The following MCM10 variants were observed in gnomAD, a reference collection of about 807,000 sequenced individuals.
MCM10 encodes the protein minichromosome maintenance 10 replication initiation factor.
MCM10 carries 91 observed loss-of-function variants against 109.9 expected under a neutral mutation model. The ratio of observed to expected loss-of-function variants is 0.83; its 90% CI spans 0.70 to 0.99. MCM10 has a LOEUF of 0.99. Among genes scored for constraint, MCM10 ranks in the 50% least tolerant of loss-of-function variants. MCM10 has a pLI of 0.00. For synonymous variants in MCM10, 380 were observed against 387.2 expected, an observed-to-expected ratio of 0.98 and a Z score of 0.22; for missense variants, 1,077 against 1,061.2, an observed-to-expected ratio of 1.01 and a Z score of -0.21.
intron 18 of MCM10, among the ~76,000 whole-genome samples, chr10:13,205,453 C>A (rs1166136716): frequency 6.6e-6 from 1 of 152,082 alleles, no homozygotes; most frequent in East Asian, 1.9e-4. Flanking sequence ...TAGGTTGATT[C>A]CACGTCTTTG....
In MCM10 at chr10:13,172,553, A is replaced by G; in HGVS notation, c.454+73A>G. On this transcript the variant is annotated intron_variant, in intron 4 of 19. Transcript: ENST00000378714. This position sits in a 1 kb window ranked among gnomAD's most constrained non-coding sequence, Gnocchi z 5.2. The stretch of plus-strand genomic sequence containing the variant: ...AATTATCACATCATTTCTGCATCCA[A>G]CTCCTGTCCAAACAGCCCTTTGAAC... The G allele has an allele frequency of 1.3e-6, 2 of 1,599,278 alleles. No individual in the cohort carries two copies. The highest frequency in any genetic ancestry group is 1.7e-6 in the Non-Finnish European group (2 of 1,167,650).
intron 11 of MCM10, among the ~76,000 whole-genome samples, 179 bp downstream of exon 11, chr10:13,191,578 G>A (rs1834348294): frequency 6.6e-6 from 1 of 152,070 alleles, no homozygotes; most frequent in South Asian, 2.1e-4. Context: ...AAGCAAGCAA[G>A]CAAGCAAGCA....
chr10:13,172,348 C>G lies in MCM10; in HGVS notation c.350-28C>G. 6.4e-7 allele frequency: 1 copy of G among 1,567,098 alleles called. No individual in the cohort carries two copies. The highest frequency in any genetic ancestry group is 8.8e-7 in the Non-Finnish European group (1 of 1,141,834). On this transcript the variant is annotated intron_variant, in intron 3 of 19. Transcript: ENST00000378714. The surrounding 1 kb of genome is among the most constrained non-coding windows in gnomAD (Gnocchi z 5.2). ...GTAGAACGTTTTCTCCTGCCTGGTT[C>G]TTAAATTAACATATTTTCATTTCCT...
At chr10:13,188,818 C>T in intron 9 of MCM10, 63 bp from the exon 10 acceptor site, 1 of 1,386,472 alleles carries the variant, frequency 7.2e-7, no homozygotes, top group Non-Finnish European at 1.0e-6. Context: ...GGAACTGTGT[C>T]TGCTCACTGC....
intron 18 of MCM10, among the ~76,000 whole-genome samples, chr10:13,207,380 A>T (rs1834596786): frequency 6.6e-6 from 1 of 152,168 alleles, no homozygotes; most frequent in Non-Finnish European, 1.5e-5. Flanking sequence ...TCATTGATCG[A>T]CATATAGGCT....
At position 13,180,454 on chromosome 10, in the gene MCM10, A is replaced by G. The variant is rs1217841821; in HGVS notation, c.777A>G (p.Val259=). The G allele has an allele frequency of 1.9e-6, 3 of 1,611,886 alleles. No individual in the cohort carries two copies. Among genetic ancestry groups the G allele is most frequent in the Admixed American group, 1.7e-5 (1 of 59,152 alleles). ...FSGLRLRRPR[V]SSTEMNKKMT... ...TTTCTTAACCCAGGCGGCCTCGAGT[A>G]TCCTCCACAGAAATGAACAAGAAAA... The change falls in exon 7 of 20, where the codon GTA becomes GTG. Residue 259 remains valine (V), a synonymous_variant. Transcript: ENST00000378714.
intron 16 of MCM10, 55 bp from the exon 17 acceptor site, chr10:13,201,366 C>T: frequency 9.8e-7 from 1 of 1,025,484 alleles, no homozygotes; most frequent in Admixed American, 1.9e-5. Flanking sequence ...TACTGTGCTG[C>T]CTGAGTGCAT....
At chr10:13,171,301 A>G (rs1353294209) in intron 3 of MCM10, 38 bp downstream of exon 3, 3 of 1,514,624 alleles carry the variant, frequency 2.0e-6, no homozygotes, top group South Asian at 2.6e-5. Context: ...TCTTTCGGAT[A>G]AGTTGGATGA....
In MCM10 at chr10:13,198,716, A is replaced by G. The variant is rs752349727; in HGVS notation, c.2147A>G (p.Lys716Arg). 9.3e-6 allele frequency: 15 copies of G among 1,613,910 alleles called. No individual in the cohort carries two copies. The highest frequency in any genetic ancestry group is 1.3e-5 in the Non-Finnish European group (15 of 1,179,904). Residue 716 changes from lysine (K) to arginine (R), a missense_variant, in exon 16 of 20, where the codon AAA becomes AGA. Physicochemically the swap from Lys to Arg is conservative, Grantham distance 26. Coordinates refer to ENST00000378714, the MANE Select transcript of MCM10 (RefSeq NM_018518.5). ...QAEDELEPARKKRREQLAYLE... is the reference protein window; with the variant it reads ...QAEDELEPARRKRREQLAYLE... ...GAGGATGAATTGGAGCCTGCCAGGA[A>G]AAAAAGGAGAGAACAACTTGCCTAT...
intron 9 of MCM10, among the ~76,000 whole-genome samples, chr10:13,187,631 TTC>T (rs1199545495): frequency 3.3e-5 from 5 of 152,202 alleles, no homozygotes; most frequent in Admixed American, 6.5e-5. Flanking sequence ...GTTACTCTAT[TTC>T]TTTTTTGTTA....
At chr10:13,162,596 T>C (rs1833941464) in intron 1 of MCM10, among the ~76,000 whole-genome samples, 1 of 152,148 alleles carries the variant, frequency 6.6e-6, no homozygotes, top group African/African-American at 2.4e-5. Flanking sequence ...CCACAGTACT[T>C]GTCAGTGGCC....
At chr10:13,173,002 A>G (rs1334371691) in intron 5 of MCM10, among the ~76,000 whole-genome samples, 4 of 152,068 alleles carry the variant, frequency 2.6e-5, no homozygotes, top group Non-Finnish European at 4.4e-5. Context: ...TGATCCTAGG[A>G]GTTTGAGGCC....
rs746527254 is a variant in MCM10 at position 13,195,217 on chromosome 10, A to G, written c.1922A>G (p.Asp641Gly). 3 of 1,612,234 alleles carry G rather than the reference A, an allele frequency of 1.9e-6. No individual in the cohort carries two copies. Among genetic ancestry groups the G allele is most frequent in the East Asian group, 2.2e-5 (1 of 44,852 alleles). Residue 641 changes from aspartate (D) to glycine (G), a missense_variant, in exon 14 of 20, where the codon GAT becomes GGT. Coordinates refer to ENST00000378714, the MANE Select transcript of MCM10 (RefSeq NM_018518.5). ...VLEGDDVLFY[D>G]ESPPPRPKLS... ...GAAGGAGATGATGTTCTCTTTTATG[A>G]TGAGTCACCACCACCAAGACCAAAA...
chr10:13,201,375 A>G (rs1230269900), intron 16 of MCM10, 46 bp from the exon 17 acceptor site: 2 of 1,153,486 alleles, frequency 1.7e-6, no homozygotes, highest in African/African-American at 3.0e-5. Flanking sequence ...GCCTGAGTGC[A>G]TACTGGATTT....
At chr10:13,173,377 A>G (rs1280025044) in intron 5 of MCM10, among the ~76,000 whole-genome samples, 2 of 152,094 alleles carry the variant, frequency 1.3e-5, no homozygotes, top group Non-Finnish European at 2.9e-5. Context: ...GTCAAGTTTT[A>G]TTTGAAGCCA....
intron 2 of MCM10, among the ~76,000 whole-genome samples, chr10:13,165,507 G>C (rs140177758): frequency 1.5e-3 from 230 of 152,290 alleles, no homozygotes; most frequent in African/African-American, 5.3e-3. Context: ...ATGAAAATAA[G>C]AGGTGAATGG....
intron 17 of MCM10, among the ~76,000 whole-genome samples, chr10:13,202,056 T>C (rs1164909016): frequency 6.6e-6 from 1 of 152,180 alleles, no homozygotes; most frequent in Non-Finnish European, 1.5e-5. Context: ...TCTTCAACAC[T>C]GATTAAAAAT....
At chr10:13,186,394 AAGAG>A (rs1480034168) in intron 9 of MCM10, 114 bp downstream of exon 9, 8 of 660,388 alleles carry the variant, frequency 1.2e-5, no homozygotes, top group Non-Finnish European at 2.1e-5. Flanking sequence ...CACTTAAAGG[AAGAG>A]TCAAAATGAG....
intron 13 of MCM10, 115 bp from the exon 14 acceptor site, chr10:13,194,926 C>G: frequency 1.2e-6 from 1 of 822,268 alleles, no homozygotes; most frequent in South Asian, 1.8e-5. Flanking sequence ...CATTATTTTG[C>G]TAACAACTAG....
Sources: allele counts gnomAD v4.1 joint callset (sites outside exome capture counted in the v4.1 genomes callset), GRCh38; gene constraint gnomAD v4.1.1; non-coding constraint Gnocchi (gnomAD v3.1); transcripts MANE v1.5; gene names NCBI Gene and HGNC (gene_info 2026-07-23, HGNC 2026-07-21).